PCDH11X: variants seen among roughly 807,000 people sequenced by gnomAD.
PCDH11X encodes protocadherin 11 X-linked.
PCDH11X carries 18 observed loss-of-function variants against 53.3 expected under a neutral mutation model. The ratio of observed to expected loss-of-function variants is 0.34; its 90% CI spans 0.23 to 0.50. PCDH11X has a LOEUF of 0.50. Ranked by LOEUF, PCDH11X falls within the 20% of genes least tolerant of loss-of-function variation. PCDH11X has a pLI of 0.98. For synonymous variants in PCDH11X, 279 were observed against 393.3 expected (o/e 0.71, Z 3.44); for missense variants, 570 against 1,032.4 (o/e 0.55, Z 6.14).
At chrX:92,508,061 G>A (rs752513686) in intron 10 of PCDH11X, among the ~76,000 whole-genome samples, 5 of 110,045 alleles carry the variant, frequency 4.5e-5, no homozygotes, top group Non-Finnish European at 7.6e-5. Context: ...GTGATCTGCC[G>A]ACCTCAGCCT....
rs890669167 is a variant in PCDH11X at position 92,227,542 on chromosome X, T to C, written c.3114+26087T>C. ...GTGCCTTTTGTTCCTGCAAATAAAA[T>C]CTCCTTGTAATTAGTATGTTTTATC... On this transcript the variant is annotated intron_variant, in intron 7 of 10. Transcript: ENST00000682573. Among the ~76,000 whole-genome samples, 248 of 111,686 alleles carry C rather than the reference T, an allele frequency of 2.2e-3. 1 individual carries two copies. The highest frequency in any genetic ancestry group is 7.6e-3 in the African/African-American group (234 of 30,856).
intron 6 of PCDH11X, among the ~76,000 whole-genome samples, chrX:92,178,771 T>C (rs747004665): frequency 4.2e-4 from 47 of 112,055 alleles, no homozygotes; most frequent in African/African-American, 1.5e-3. Flanking sequence ...ATTTAAATTA[T>C]GCATTTTATC....
Position 91,784,712 on chromosome X carries a change from T to G in PCDH11X, c.-379+5028T>G, listed in dbSNP as rs6618802. Among the ~76,000 whole-genome samples the G allele has an allele frequency of 2.5e-3, 280 of 111,751 alleles. 3 individuals are homozygous for G. In the East Asian group the frequency reaches 0.074, roughly 30 times the overall value. On this transcript the variant is annotated intron_variant, in intron 1 of 10. Coordinates refer to ENST00000682573, the MANE Select transcript of PCDH11X (RefSeq NM_032968.5). ...CACTAACAAATAGCTCTATCTCGCT[T>G]CTTTTTCCTCCTCTAAGTCAGCTAT...
At chrX:92,388,750 T>A (rs1011898987) in intron 9 of PCDH11X, among the ~76,000 whole-genome samples, 7 of 108,622 alleles carry the variant, frequency 6.4e-5, no homozygotes, top group African/African-American at 2.4e-4. Flanking sequence ...GAGAAAAAAG[T>A]CATAGCCATA....
At chrX:92,167,085 G>T (rs1419447152) in intron 6 of PCDH11X, among the ~76,000 whole-genome samples, 1 of 108,551 alleles carries the variant, frequency 9.2e-6, no homozygotes, top group East Asian at 2.9e-4. Context: ...TTGCTAAAAT[G>T]TACTATCCTC....
intron 10 of PCDH11X, among the ~76,000 whole-genome samples, chrX:92,545,897 A>ACACTT (rs1249362240): frequency 1.0e-4 from 11 of 108,441 alleles, no homozygotes; most frequent in African/African-American, 3.6e-4. Context: ...TTTGGTTTAC[A>ACACTT]AATAGCATTT....
rs181719687 is a variant in PCDH11X, at chrX:91,860,792, C to T, written c.541-15989C>T. On this transcript the variant is annotated intron_variant, in intron 5 of 10. Transcript: ENST00000682573. ...ATTTATTTGTGTATGTTGAACCAGCCGTGCATCTTGAGGATAAAGCTGACT... is the reference window on the plus strand; with the variant it reads ...ATTTATTTGTGTATGTTGAACCAGCTGTGCATCTTGAGGATAAAGCTGACT... Among the ~76,000 whole-genome samples the T allele has an allele frequency of 2.0e-4, 22 of 111,923 alleles. No individual in the cohort carries two copies. In the East Asian group the frequency reaches 2.8e-3, roughly 14 times the overall value.
chrX:92,103,844 T>A (rs1336363230), intron 6 of PCDH11X, among the ~76,000 whole-genome samples: 1 of 111,804 alleles, frequency 8.9e-6, no homozygotes, highest in Non-Finnish European at 1.9e-5. Flanking sequence ...TTGCACACCT[T>A]GAAGGTGAGG....
At chrX:92,284,640 C>T (rs186788009) in intron 8 of PCDH11X, among the ~76,000 whole-genome samples, 2,489 of 112,062 alleles carry the variant, frequency 0.022, 58 homozygotes, top group African/African-American at 0.068. Flanking sequence ...GGCAAGCCCA[C>T]TTTTCTTTTT....
chrX:91,824,818 G>A (rs1425676928), intron 4 of PCDH11X, among the ~76,000 whole-genome samples: 3 of 107,990 alleles, frequency 2.8e-5, no homozygotes, highest in Non-Finnish European at 5.7e-5. Flanking sequence ...ATCTACTTTT[G>A]GTCTTTGATG....
chrX:92,072,123 A>G (rs2148080552), intron 6 of PCDH11X, among the ~76,000 whole-genome samples: 1 of 110,315 alleles, frequency 9.1e-6, no homozygotes, highest in South Asian at 4.0e-4. Context: ...ATGTTCCCTT[A>G]AAGCCCAGGA....
chrX:91,782,182 C>G lies in PCDH11X; in HGVS notation c.-379+2498C>G, dbSNP rs185193840. 1.1e-4 allele frequency among the ~76,000 whole-genome samples: 12 copies of G among 112,326 alleles called. No individual in the cohort carries two copies. The East Asian group carries it at 1.7e-3, about 16-fold the overall frequency. On this transcript the variant is annotated intron_variant, in intron 1 of 10. Coordinates refer to ENST00000682573, the MANE Select transcript of PCDH11X (RefSeq NM_032968.5). ...CCTGGGTCCCGGCTCGCAGCCCCCC[C>G]CTTCCAGTCCCTCGCTCCTCAGAGG...
At position 92,622,914 on chromosome X, in the gene PCDH11X, TGTAA is replaced by T. The variant is rs1239736581; in HGVS notation, c.*3977_*3980del. 6.3e-5 allele frequency: 7 copies of T among 111,885 alleles called. No individual in the cohort carries two copies. The highest frequency in any genetic ancestry group is 1.6e-4 in the African/African-American group (5 of 30,864). The allele number at this position is 111,885 out of a possible 1,213,427, so 9.2% of individuals were successfully genotyped here. On this transcript the variant is annotated 3_prime_UTR_variant, in exon 11 of 11. Coordinates refer to ENST00000682573, the MANE Select transcript of PCDH11X (RefSeq NM_032968.5). ...AAATTAATGGCAATTGTTTAGTGATTGTAAGTGATACTTTTTAAAGAGTAAACTG... is the reference window on the plus strand; with the variant it reads ...AAATTAATGGCAATTGTTTAGTGATTGTGATACTTTTTAAAGAGTAAACTG...
intron 5 of PCDH11X, among the ~76,000 whole-genome samples, chrX:91,852,107 G>A (rs1247106949): frequency 1.0e-4 from 10 of 100,168 alleles, no homozygotes; most frequent in East Asian, 3.2e-4. Flanking sequence ...TCCGCCTCCC[G>A]GGTTCAAGCA....
chrX:91,983,417 T>C lies in PCDH11X; in HGVS notation c.3033+104144T>C, dbSNP rs1391361051. ...CCCATTCTCAGATTTTGTTTTCAAA[T>C]CAAGCATTATTAAGCCAAATCCATA... is the stretch of plus-strand genomic sequence containing the variant. On this transcript the variant is annotated intron_variant, in intron 6 of 10. Transcript: ENST00000682573. 9.5e-6 allele frequency: 8 copies of C among 843,223 alleles called. No homozygotes were observed. The East Asian group carries it at 2.2e-4, about 23-fold the overall frequency. 69.5% of individuals were successfully genotyped at this position (843,223 alleles called of 1,213,427 possible).
intron 6 of PCDH11X, among the ~76,000 whole-genome samples, chrX:92,160,094 T>G (rs993158386): frequency 1.8e-5 from 2 of 110,645 alleles, no homozygotes; most frequent in Non-Finnish European, 3.8e-5. Flanking sequence ...TTGTTTATTT[T>G]TTTGTTTGTT....
chrX:91,919,111 A>G (rs1941662666), intron 6 of PCDH11X, among the ~76,000 whole-genome samples: 1 of 111,898 alleles, frequency 8.9e-6, no homozygotes, highest in Non-Finnish European at 1.9e-5. Flanking sequence ...GCAGATGAGA[A>G]CTACTCAGGT....
intron 5 of PCDH11X, among the ~76,000 whole-genome samples, chrX:91,847,860 T>C (rs1447279077): frequency 2.7e-5 from 3 of 112,368 alleles, no homozygotes; most frequent in Non-Finnish European, 5.6e-5. Context: ...TAATTGCATT[T>C]AGAATTATGT....
intron 8 of PCDH11X, among the ~76,000 whole-genome samples, chrX:92,331,337 C>CTTCTTCTTCTTCTTCTTCTTTT: frequency 3.0e-5 from 1 of 33,587 alleles, no homozygotes; most frequent in Non-Finnish European, 4.8e-5. Flanking sequence ...CTTCTTCCTT[C>CTTCTTCTTCTTCTTCTTCTTTT]CTTCCTTTTC....
Sources: allele counts gnomAD v4.1 joint callset (sites outside exome capture counted in the v4.1 genomes callset), GRCh38; gene constraint gnomAD v4.1.1; transcripts MANE v1.5; gene names NCBI Gene and HGNC (gene_info 2026-07-23, HGNC 2026-07-21).